CHGA: variants seen among roughly 807,000 people sequenced by gnomAD.
The protein encoded by CHGA is chromogranin A, also known as chromogranin-A.
Under a neutral mutation model 54.4 loss-of-function variants are expected in CHGA, and 41 were observed. The ratio of observed to expected loss-of-function variants is 0.75; its 90% CI spans 0.59 to 0.98. The LOEUF (loss-of-function observed/expected upper bound fraction) is 0.98. Ranked by LOEUF, CHGA falls within the 50% of genes least tolerant of loss-of-function variation. CHGA has a pLI of 0.00. For missense variants in CHGA, 576 were observed against 582.3 expected, an observed-to-expected ratio of 0.99 and a Z score of 0.11; for synonymous variants, 249 against 232.8, an observed-to-expected ratio of 1.07 and a Z score of -0.63.
chr14:92,932,832 G>C lies in CHGA; in HGVS notation c.1271G>C (p.Ser424Thr). 6.6e-7 allele frequency: 1 copy of C among 1,510,096 alleles called. No homozygotes were observed. Among genetic ancestry groups the C allele is most frequent in the Non-Finnish European group, 8.9e-7 (1 of 1,127,140 alleles). 93.5% of individuals were successfully genotyped at this position (1,510,096 alleles called of 1,614,324 possible). A position where few individuals can be genotyped will look rare whatever the true frequency, so the allele number is the denominator to read the frequency against. The change falls in exon 7 of 8, where the codon AGC (serine) becomes ACC (threonine). Residue 424 changes from serine (S) to threonine (T), a missense_variant. Physicochemically the swap from Ser to Thr is moderately conservative, Grantham distance 58 (BLOSUM62 1). Transcript: ENST00000216492. This position sits in a 1 kb window ranked among gnomAD's most constrained non-coding sequence, Gnocchi z 5.3. ...GAGGAGAAGAAAGAGGAGGAGGGCA[G>C]CGCAAACCGCAGACCAGAGGTTGGT... is the stretch of plus-strand genomic sequence containing the variant. The part of the protein sequence containing the change: ...YPEEKKEEEG[S>T]ANRRPEDQEL...
At position 92,932,853 on chromosome 14, in the gene CHGA, T is replaced by C; in HGVS notation, c.1290+2T>C. On this transcript the variant is annotated splice_donor_variant, in intron 7 of 7. Transcript: ENST00000216492. LOFTEE classifies it high-confidence loss of function. This position sits in a 1 kb window ranked among gnomAD's most constrained non-coding sequence, Gnocchi z 5.3. ...GGCAGCGCAAACCGCAGACCAGAGG[T>C]TGGTATGGGGCGGGAGCCAGCTCTG... The C allele has an allele frequency of 1.3e-6, 2 of 1,481,624 alleles. No individual in the cohort carries two copies. Among genetic ancestry groups the C allele is most frequent in the Non-Finnish European group, 1.8e-6 (2 of 1,113,340 alleles). The allele number at this position is 1,481,624 out of a possible 1,614,324, so 91.8% of individuals were successfully genotyped here.
rs9658663 is a variant in CHGA at position 92,932,382 on chromosome 14, C to G, written c.821C>G (p.Ala274Gly). 1.4e-3 allele frequency: 2,198 copies of G among 1,584,156 alleles called. 38 individuals carry two copies. In the African/African-American group the frequency reaches 0.026, roughly 19 times the overall value. ...EIRKGESRSE[A>G]LAVDGAGKPG... ...CCACCTGCTCCAGGTCGGTCGGAGG[C>G]TCTGGCTGTGGATGGAGCTGGGAAG... The change falls in exon 7 of 8, where the codon GCT (alanine) becomes GGT (glycine). Residue 274 changes from alanine (A) to glycine (G), a missense_variant. Transcript: ENST00000216492. This position sits in a 1 kb window ranked among gnomAD's most constrained non-coding sequence, Gnocchi z 5.3.
At chr14:92,929,356 C>A (rs950878484) in intron 4 of CHGA, among the ~76,000 whole-genome samples, 2 of 143,428 alleles carry the variant, frequency 1.4e-5, no homozygotes, top group East Asian at 3.9e-4. Flanking sequence ...CTGAGGGGTT[C>A]CCCACCCCCA....
At chr14:92,929,515 C>T (rs1004657334) in intron 4 of CHGA, among the ~76,000 whole-genome samples, 1 of 152,242 alleles carries the variant, frequency 6.6e-6, no homozygotes, top group African/African-American at 2.4e-5. Flanking sequence ...GGCAGGGTGG[C>T]TGCCTGAGGG....
In CHGA at chr14:92,927,547, C is replaced by T; in HGVS notation, c.188-3C>T. On this transcript the variant is annotated splice_polypyrimidine_tract_variant and splice_region_variant and intron_variant, in intron 3 of 7. Coordinates refer to ENST00000216492, the MANE Select transcript of CHGA (RefSeq NM_001275.4). ...CACCCATGATGACTCTTCTTCATTG[C>T]AGATGAACGGATCCTTTCCATTCTG... 1 of 1,612,164 alleles carries T rather than the reference C, an allele frequency of 6.2e-7. No homozygotes were observed. Among genetic ancestry groups the T allele is most frequent in the Non-Finnish European group, 8.5e-7 (1 of 1,178,786 alleles).
At chr14:92,926,866 G>C (rs1467554469) in intron 3 of CHGA, among the ~76,000 whole-genome samples, 168 bp downstream of exon 3, 2 of 152,226 alleles carry the variant, frequency 1.3e-5, no homozygotes, top group Non-Finnish European at 2.9e-5. Flanking sequence ...ACAGTTGAAG[G>C]GGTTGTAGCC....
intron 2 of CHGA, chr14:92,926,396 A>T (rs1435186086): frequency 1.8e-6 from 1 of 567,206 alleles, no homozygotes; most frequent in East Asian, 2.8e-5. Flanking sequence ...TGGCTGACAC[A>T]TGGTAAGCAC....
chr14:92,923,322 G>C lies in CHGA; in HGVS notation c.-38G>C. 1 of 1,316,768 alleles carries C rather than the reference G, an allele frequency of 7.6e-7. No homozygotes were observed. The highest frequency in any genetic ancestry group is 9.7e-7 in the Non-Finnish European group (1 of 1,035,712). 81.6% of individuals were successfully genotyped at this position (1,316,768 alleles called of 1,614,324 possible). A position where few individuals can be genotyped will look rare whatever the true frequency, so the allele number is the denominator to read the frequency against. Reference sequence around the variant, plus strand: ...CCCCTCGCCCGGTGCCTAGGTGCCCGGCCCCACACCGCCAGCTGCTCGGCG... The same window carrying C: ...CCCCTCGCCCGGTGCCTAGGTGCCCCGCCCCACACCGCCAGCTGCTCGGCG... On this transcript the variant is annotated 5_prime_UTR_variant, in exon 1 of 8. Coordinates refer to ENST00000216492, the MANE Select transcript of CHGA (RefSeq NM_001275.4).
At position 92,932,884 on chromosome 14, in the gene CHGA, GGCCACGGA is replaced by G. The variant is rs202100362; in HGVS notation, c.1290+36_1290+43del. 1.4e-3 allele frequency: 2,057 copies of G among 1,456,974 alleles called. 37 individuals carry two copies. The African/African-American group carries it at 0.027, about 19-fold the overall frequency. The allele number at this position is 1,456,974 out of a possible 1,614,324, so 90.3% of individuals were successfully genotyped here. ...TGGGGCGGGAGCCAGCTCTGTGCCA[GGCCACGGA>G]GCAGCAGGGGGCAGCCGCACCCAGA... On this transcript the variant is annotated intron_variant, in intron 7 of 7. Coordinates refer to ENST00000216492, the MANE Select transcript of CHGA (RefSeq NM_001275.4). The surrounding 1 kb of genome is among the most constrained non-coding windows in gnomAD (Gnocchi z 5.3).
Position 92,929,724 on chromosome 14 carries a change from G to A in CHGA, c.264G>A (p.Lys88=), listed in dbSNP as rs747687564. The A allele has an allele frequency of 1.2e-6, 2 of 1,613,982 alleles. No individual in the cohort carries two copies. The highest frequency in any genetic ancestry group is 1.1e-5 in the South Asian group (1 of 91,086). The stretch of plus-strand genomic sequence containing the variant: ...CTCCTTTTCTCATACCAGGCGCCAA[G>A]GAGAGGGCACATCAGCAGAAGAAAC... The part of the protein sequence containing the change: ...ELQDLALQGA[K]ERAHQQKKHS... The change falls in exon 5 of 8, where the codon AAG becomes AAA. Residue 88 remains lysine (K), a synonymous_variant. Coordinates refer to ENST00000216492, the MANE Select transcript of CHGA (RefSeq NM_001275.4).
chr14:92,934,994 C>A lies in CHGA; in HGVS notation c.*110C>A. 4.3e-6 allele frequency: 4 copies of A among 934,768 alleles called. No individual in the cohort carries two copies. Among genetic ancestry groups the A allele is most frequent in the Non-Finnish European group, 6.2e-6 (4 of 646,266 alleles). 57.9% of individuals were successfully genotyped at this position (934,768 alleles called of 1,614,324 possible). A position where few individuals can be genotyped will look rare whatever the true frequency, so the allele number is the denominator to read the frequency against. On this transcript the variant is annotated 3_prime_UTR_variant, in exon 8 of 8. Coordinates refer to ENST00000216492, the MANE Select transcript of CHGA (RefSeq NM_001275.4). The stretch of plus-strand genomic sequence containing the variant: ...GATGCTGCTTCCGGTAGGGAGGCAG[C>A]CTCCAGCCTGCCCAAGCCCAGGCCA...
At position 92,932,539 on chromosome 14, in the gene CHGA, G is replaced by A. The variant is rs747167515; in HGVS notation, c.978G>A (p.Glu326=). ...GGGGTGGGAAGAGCGGAGAGCTGGA[G>A]CAGGAGGAGGAGCGGCTCTCCAAGG... is the stretch of plus-strand genomic sequence containing the variant. The part of the protein sequence containing the change: ...LFRGGKSGEL[E]QEEERLSKEW... The change falls in exon 7 of 8, where the codon GAG becomes GAA. Residue 326 remains glutamate (E), a synonymous_variant. Transcript: ENST00000216492. The surrounding 1 kb of genome is among the most constrained non-coding windows in gnomAD (Gnocchi z 5.3). The A allele has an allele frequency of 6.4e-7, 1 of 1,554,406 alleles. No homozygotes were observed.
chr14:92,924,526 ACT>A (rs1223164127), intron 2 of CHGA, among the ~76,000 whole-genome samples: 1 of 152,036 alleles, frequency 6.6e-6, no homozygotes, highest in Non-Finnish European at 1.5e-5. Context: ...TGTCTTGAAC[ACT>A]CTGAATCCAG....
chr14:92,930,537 A>C (rs1223114804), intron 5 of CHGA, among the ~76,000 whole-genome samples: 2 of 152,170 alleles, frequency 1.3e-5, no homozygotes, highest in Non-Finnish European at 2.9e-5. Context: ...TGTCAGTGCA[A>C]AGAGATCCCG....
chr14:92,934,723 C>T, intron 7 of CHGA, 78 bp from the exon 8 acceptor site: 1 of 1,109,680 alleles, frequency 9.0e-7, no homozygotes, highest in East Asian at 2.6e-5. Flanking sequence ...ACACAGCTAA[C>T]CCAGCGCCTT....
rs376742669 is a variant in CHGA, at chr14:92,931,311, A to G, written c.417A>G (p.Ala139=). 32 of 1,613,632 alleles carry G rather than the reference A, an allele frequency of 2.0e-5. No individual in the cohort carries two copies. The African/African-American group carries it at 2.1e-4, about 11-fold the overall frequency. Residue 139 remains alanine, a synonymous_variant, in exon 6 of 8, where the codon GCA becomes GCG. Coordinates refer to ENST00000216492, the MANE Select transcript of CHGA (RefSeq NM_001275.4). Reference sequence around the variant, plus strand: ...AGAAAAGAGAGGATTCCAAGGAGGCAGAGAAAAGTGGTGAAGCCACAGACG... The same window carrying G: ...AGAAAAGAGAGGATTCCAAGGAGGCGGAGAAAAGTGGTGAAGCCACAGACG... ...VMEKREDSKE[A]EKSGEATDGA...
chr14:92,928,616 C>A (rs1472085726), intron 4 of CHGA, among the ~76,000 whole-genome samples: 1 of 152,088 alleles, frequency 6.6e-6, no homozygotes, highest in Non-Finnish European at 1.5e-5. Flanking sequence ...CAATTGATAA[C>A]TTTAAAATTA....
intron 2 of CHGA, chr14:92,925,988 T>C (rs1163278229): frequency 6.6e-6 from 1 of 152,368 alleles, no homozygotes; most frequent in Non-Finnish European, 1.5e-5. Context: ...ACCTGGGATA[T>C]GCTCCCAGGT....
rs759234958 is a variant in CHGA, at chr14:92,932,697, G to T, written c.1136G>T (p.Arg379Leu). The change falls in exon 7 of 8, where the codon CGG (arginine) becomes CTG (leucine). Residue 379 changes from arginine to leucine, a missense_variant. Physicochemically the swap from Arg to Leu is moderately radical, Grantham distance 102 (BLOSUM62 -2). Transcript: ENST00000216492. This position sits in a 1 kb window ranked among gnomAD's most constrained non-coding sequence, Gnocchi z 5.3. ...DSSMKLSFRA[R>L]AYGFRGPGPQ... ...TCCATGAAGCTCTCCTTCCGGGCCC[G>T]GGCCTACGGCTTCAGGGGCCCTGGG... 6.2e-7 allele frequency: 1 copy of T among 1,610,894 alleles called. No individual in the cohort carries two copies. The highest frequency in any genetic ancestry group is 8.5e-7 in the Non-Finnish European group (1 of 1,179,548).
Sources: allele counts gnomAD v4.1 joint callset (sites outside exome capture counted in the v4.1 genomes callset), GRCh38; gene constraint gnomAD v4.1.1; non-coding constraint Gnocchi (gnomAD v3.1); transcripts MANE v1.5; gene names NCBI Gene and HGNC (gene_info 2026-07-23, HGNC 2026-07-21).